ADAMTS3: variants seen among roughly 807,000 people sequenced by gnomAD.
ADAMTS3 encodes the protein A disintegrin and metalloproteinase with thrombospondin motifs 3.
A neutral mutation model predicts 129.0 loss-of-function variants in ADAMTS3; 73 were observed. That is an observed-to-expected ratio of 0.57 (90% CI 0.47 to 0.69). ADAMTS3 has a LOEUF of 0.69. Among genes scored for constraint, ADAMTS3 ranks in the 30% least tolerant of loss-of-function variants. The pLI is 0.00. For missense variants in ADAMTS3, 1,457 were observed against 1,514.5 expected, an observed-to-expected ratio of 0.96 and a Z score of 0.63; for synonymous variants, 477 against 510.8, an observed-to-expected ratio of 0.93 and a Z score of 0.89.
At chr4:72,353,313 G>A (rs555401025) in intron 4 of ADAMTS3, among the ~76,000 whole-genome samples, 2 of 151,980 alleles carry the variant, frequency 1.3e-5, no homozygotes, top group East Asian at 3.9e-4. Flanking sequence ...CAATGTGCTT[G>A]TAGTTAGAAT....
intron 4 of ADAMTS3, among the ~76,000 whole-genome samples, chr4:72,375,398 A>G (rs991564523): frequency 2.8e-4 from 42 of 152,194 alleles, no homozygotes; most frequent in African/African-American, 9.2e-4. Context: ...GAAAATGATG[A>G]GTAAAACAGG....
At chr4:72,548,356 T>C (rs1045138550) in intron 3 of ADAMTS3, 122 bp downstream of exon 3, 1 of 1,072,654 alleles carries the variant, frequency 9.3e-7, no homozygotes, top group African/African-American at 1.6e-5. Flanking sequence ...TGTCTTTTTC[T>C]GAACTTAAAA....
intron 4 of ADAMTS3, among the ~76,000 whole-genome samples, chr4:72,373,900 AATAATAATAAT>A (rs1721075124): frequency 0.071 from 1 of 14 alleles, no homozygotes; most frequent in Non-Finnish European, 0.12. Context: ...CCCATCTCAA[AATAATAATAAT>A]AATAATAATA....
chr4:72,493,029 A>T (rs1209109696), intron 3 of ADAMTS3, among the ~76,000 whole-genome samples: 1 of 151,934 alleles, frequency 6.6e-6, no homozygotes, highest in Non-Finnish European at 1.5e-5. Flanking sequence ...TTTGCCAAAT[A>T]TAAATATAGC....
At chr4:72,388,525 T>C (rs1334573600) in intron 4 of ADAMTS3, among the ~76,000 whole-genome samples, 1 of 152,222 alleles carries the variant, frequency 6.6e-6, no homozygotes, top group African/African-American at 2.4e-5. Flanking sequence ...AGCTTGTGCA[T>C]GTGCTGCTTA....
chr4:72,515,804 G>A (rs1204185945), intron 3 of ADAMTS3, among the ~76,000 whole-genome samples: 1 of 151,744 alleles, frequency 6.6e-6, no homozygotes, highest in African/African-American at 2.4e-5. Context: ...CACTCTGATG[G>A]TAGTTTCTTT....
chr4:72,466,167 A>G (rs985420705), intron 3 of ADAMTS3, among the ~76,000 whole-genome samples: 11 of 152,094 alleles, frequency 7.2e-5, no homozygotes, highest in African/African-American at 2.4e-4. Flanking sequence ...TGTGATGAAC[A>G]TCTGGGGAGA....
At chr4:72,549,971 G>T (rs1159262335) in intron 2 of ADAMTS3, among the ~76,000 whole-genome samples, 1 of 26,996 alleles carries the variant, frequency 3.7e-5, no homozygotes, top group Non-Finnish European at 6.9e-5. Flanking sequence ...AAAAGAAGAA[G>T]AAGAAGAAGA....
chr4:72,303,794 T>TA, intron 17 of ADAMTS3, 123 bp downstream of exon 17: 1 of 992,452 alleles, frequency 1.0e-6, no homozygotes, highest in Non-Finnish European at 1.5e-6. Flanking sequence ...GGAATTATTT[T>TA]AAAAAGCAAC....
chr4:72,499,537 C>A (rs1719955166), intron 3 of ADAMTS3, among the ~76,000 whole-genome samples: 1 of 152,156 alleles, frequency 6.6e-6, no homozygotes, highest in Admixed American at 6.6e-5. Context: ...TCCTATATTA[C>A]ACCGACCTAT....
chr4:72,442,523 T>C (rs891196120), intron 3 of ADAMTS3, among the ~76,000 whole-genome samples: 1 of 151,314 alleles, frequency 6.6e-6, no homozygotes, highest in East Asian at 2.0e-4. Flanking sequence ...AACGACCAGA[T>C]CTCACTCATT....
At chr4:72,516,230 G>T (rs1720473810) in intron 3 of ADAMTS3, among the ~76,000 whole-genome samples, 1 of 152,088 alleles carries the variant, frequency 6.6e-6, no homozygotes, top group Admixed American at 6.6e-5. Flanking sequence ...TGCTGTTTTG[G>T]TTACTGTGGC....
chr4:72,533,612 T>C (rs1721102625), intron 3 of ADAMTS3, among the ~76,000 whole-genome samples: 1 of 152,020 alleles, frequency 6.6e-6, no homozygotes, highest in Non-Finnish European at 1.5e-5. Context: ...TATGCACATA[T>C]GTATATATAC....
At chr4:72,391,537 G>C (rs966602156) in intron 4 of ADAMTS3, among the ~76,000 whole-genome samples, 1 of 152,160 alleles carries the variant, frequency 6.6e-6, no homozygotes, top group Non-Finnish European at 1.5e-5. Context: ...GAGGTCAGGG[G>C]AGTCATGAGA....
At chr4:72,303,292 T>C (rs1164013108) in intron 17 of ADAMTS3, among the ~76,000 whole-genome samples, 1 of 151,952 alleles carries the variant, frequency 6.6e-6, no homozygotes, top group Non-Finnish European at 1.5e-5. Context: ...AAAGTGTGTG[T>C]GTGCTACTGC....
At chr4:72,558,478 C>G (rs1269365407) in intron 2 of ADAMTS3, among the ~76,000 whole-genome samples, 1 of 151,684 alleles carries the variant, frequency 6.6e-6, no homozygotes, top group Non-Finnish European at 1.5e-5. Flanking sequence ...AGACTCCTAC[C>G]CTGATAATCC....
At chr4:72,556,957 C>T (rs1480440261) in intron 2 of ADAMTS3, among the ~76,000 whole-genome samples, 1 of 151,620 alleles carries the variant, frequency 6.6e-6, no homozygotes, top group African/African-American at 2.4e-5. Context: ...TTAGAAGGAC[C>T]TTAAATTCCA....
chr4:72,534,662 C>T (rs912703667), intron 3 of ADAMTS3, among the ~76,000 whole-genome samples: 4 of 152,132 alleles, frequency 2.6e-5, no homozygotes, highest in African/African-American at 4.8e-5. Flanking sequence ...TTTTAAATAA[C>T]GTTCCACAAA....
chr4:72,465,494 C>A (rs116159044), intron 3 of ADAMTS3, among the ~76,000 whole-genome samples: 317 of 151,818 alleles, frequency 2.1e-3, no homozygotes, highest in African/African-American at 7.4e-3. Flanking sequence ...AAAGTGGGGG[C>A]GATATGATCT....
Sources: allele counts gnomAD v4.1 joint callset (sites outside exome capture counted in the v4.1 genomes callset), GRCh38; gene constraint gnomAD v4.1.1; transcripts MANE v1.5; gene names NCBI Gene and HGNC (gene_info 2026-07-23, HGNC 2026-07-21).